The following EMID1 variants were observed in gnomAD, a reference collection of about 807,000 sequenced individuals.
The protein encoded by EMID1 is EMI domain containing 1, also known as EMI domain-containing protein 1.
EMID1 carries 40 observed loss-of-function variants against 60.6 expected under a neutral mutation model. The ratio of observed to expected loss-of-function variants is 0.66; its 90% CI spans 0.51 to 0.86. EMID1 has a LOEUF of 0.86. EMID1 is among the 40% of genes least tolerant of loss of function. EMID1 has a pLI of 0.00. For missense variants in EMID1, 585 were observed against 597.1 expected (o/e 0.98, Z 0.21); for synonymous variants, 242 against 231.0 (o/e 1.05, Z -0.43).
In EMID1 at chr22:29,231,663, G is replaced by T; in HGVS notation, c.657G>T (p.Met219Ile). 6.8e-7 allele frequency: 1 copy of T among 1,471,018 alleles called. No individual in the cohort carries two copies. Among genetic ancestry groups the T allele is most frequent in the South Asian group, 1.4e-5 (1 of 70,428 alleles). 91.1% of individuals were successfully genotyped at this position (1,471,018 alleles called of 1,614,324 possible). ...PKGDAGSRGP[M>I]GMRGPPGPQG... ...GAGATGCCGGCAGTCGGGGCCCAAT[G>T]GGGATGAGAGGCCCACCAGGTGAGT... The change falls in exon 7 of 15, where the codon ATG becomes ATT. Residue 219 changes from methionine to isoleucine, a missense_variant. By Grantham distance (10) the Met-to-Ile change is conservative (BLOSUM62 1). Transcript: ENST00000334018.
intron 13 of EMID1, among the ~76,000 whole-genome samples, chr22:29,249,304 T>C (rs1193825508): frequency 6.6e-6 from 1 of 152,198 alleles, no homozygotes; most frequent in South Asian, 2.1e-4. Flanking sequence ...GGAGTCTCTG[T>C]CACCCAGGCT....
At chr22:29,243,806 G>C (rs1245532459) in intron 13 of EMID1, among the ~76,000 whole-genome samples, 2 of 152,210 alleles carry the variant, frequency 1.3e-5, no homozygotes, top group African/African-American at 4.8e-5. Flanking sequence ...GGTTTGGGCT[G>C]ACCCAGGCCA....
chr22:29,225,203 C>T lies in EMID1; in HGVS notation c.390C>T (p.Pro130=), dbSNP rs1024842382. Reference sequence around the variant, plus strand: ...CCATGCGGCGGATGGCGCTTCGGCCCACAGCCTTCTCAGGTGGGTCCTGGG... The same window carrying T: ...CCATGCGGCGGATGGCGCTTCGGCCTACAGCCTTCTCAGGTGGGTCCTGGG... ...GSTMRRMALR[P]TAFSGCLNCS... Residue 130 remains proline (P), a synonymous_variant, in exon 4 of 15, where the codon CCC becomes CCT. Transcript: ENST00000334018. 4 of 1,613,718 alleles carry T rather than the reference C, an allele frequency of 2.5e-6. No individual in the cohort carries two copies. The highest frequency in any genetic ancestry group is 1.3e-5 in the African/African-American group (1 of 74,942).
intron 12 of EMID1, among the ~76,000 whole-genome samples, chr22:29,241,532 G>A (rs915560594): frequency 5.9e-5 from 9 of 151,978 alleles, no homozygotes; most frequent in African/African-American, 2.2e-4. Flanking sequence ...GGGATTACAG[G>A]CACCTGCCAC....
chr22:29,258,180 G>A (rs1319992083), intron 14 of EMID1, among the ~76,000 whole-genome samples: 2 of 152,190 alleles, frequency 1.3e-5, no homozygotes, highest in African/African-American at 2.4e-5. Context: ...GACCTGCCTG[G>A]CCTGCTCATT....
chr22:29,255,057 C>T (rs1047169618), intron 14 of EMID1, among the ~76,000 whole-genome samples: 14 of 152,248 alleles, frequency 9.2e-5, no homozygotes, highest in Admixed American at 3.3e-4. Flanking sequence ...CATTCATTCA[C>T]CCAGAAACTC....
intron 3 of EMID1, among the ~76,000 whole-genome samples, chr22:29,217,531 A>C (rs132383): frequency 0.99 from 150,953 of 152,354 alleles, 74,789 homozygotes; most frequent in East Asian, 1. Context: ...CATTCTTCTC[A>C]TGCCCACTCG....
chr22:29,233,666 A>T lies in EMID1; in HGVS notation c.966A>T (p.Ile322=). 6.2e-7 allele frequency: 1 copy of T among 1,613,770 alleles called. No homozygotes were observed. The highest frequency in any genetic ancestry group is 1.1e-5 in the South Asian group (1 of 91,048). ...PTGVPGSPGH[I]GPPGPTGPKG... is the part of the protein sequence containing the mutation. The stretch of plus-strand genomic sequence containing the variant: ...GTGTCCCTGGGAGTCCTGGTCACAT[A>T]GTGAGTAGTTCTCCTTGTACTCTCA... The change falls in exon 10 of 15, where the codon ATA becomes ATT. Residue 322 remains isoleucine (I), a splice_region_variant and synonymous_variant. Transcript: ENST00000334018.
chr22:29,255,230 G>C (rs920515574), intron 14 of EMID1: 1 of 1,257,098 alleles, frequency 8.0e-7, no homozygotes. Flanking sequence ...AGCCCTCGGA[G>C]GCCAGACTCG....
At chr22:29,255,308 A>C (rs778851122) in intron 14 of EMID1, 3 of 1,517,558 alleles carry the variant, frequency 2.0e-6, no homozygotes, top group African/African-American at 1.4e-5. Context: ...CAGCAGGCTC[A>C]GCTGGAGCTC....
At chr22:29,254,582 T>A (rs1271986607) in intron 14 of EMID1, 1 of 332,126 alleles carries the variant, frequency 3.0e-6, no homozygotes, top group Admixed American at 4.3e-5. Flanking sequence ...GATGAAAGAT[T>A]TTAAGTTTGG....
chr22:29,247,420 G>A (rs369645702), intron 13 of EMID1, among the ~76,000 whole-genome samples: 7 of 152,288 alleles, frequency 4.6e-5, no homozygotes, highest in East Asian at 1.9e-4. Flanking sequence ...GTTGTGGCAT[G>A]AGCATCATAC....
At chr22:29,222,676 T>A (rs1003072951) in intron 3 of EMID1, among the ~76,000 whole-genome samples, 42 of 152,088 alleles carry the variant, frequency 2.8e-4, no homozygotes, top group Admixed American at 2.6e-3. Context: ...AGTGCTGGGA[T>A]TACAGGCGTG....
chr22:29,209,016 T>A (rs547157364), intron 1 of EMID1, among the ~76,000 whole-genome samples: 1 of 152,344 alleles, frequency 6.6e-6, no homozygotes, highest in Non-Finnish European at 1.5e-5. Flanking sequence ...GGACTGGAAC[T>A]TCGCCCCTAC....
intron 13 of EMID1, among the ~76,000 whole-genome samples, chr22:29,249,710 GTTTAAGCGA>G (rs776099675): frequency 2.0e-5 from 3 of 151,940 alleles, no homozygotes; most frequent in Non-Finnish European, 4.4e-5. Context: ...TGCCTCCTGG[GTTTAAGCGA>G]TTCTTCTGTC....
chr22:29,237,961 T>C (rs1305462697), intron 12 of EMID1, among the ~76,000 whole-genome samples: 1 of 144,672 alleles, frequency 6.9e-6, no homozygotes, highest in Admixed American at 6.8e-5. Context: ...AGAACTTCTT[T>C]TAATGTTTCC....
At chr22:29,233,031 G>A (rs1225496463) in intron 8 of EMID1, 5 of 306,700 alleles carry the variant, frequency 1.6e-5, no homozygotes, top group Admixed American at 4.4e-5. Context: ...CCAGAGCTGC[G>A]TAACATCCAT....
At chr22:29,230,948 C>T (rs2040716275) in intron 5 of EMID1, 72 bp from the exon 6 acceptor site, 1 of 1,545,984 alleles carries the variant, frequency 6.5e-7, no homozygotes, top group South Asian at 1.2e-5. Flanking sequence ...GAGCAAAACT[C>T]CATCTCAAAA....
At chr22:29,214,796 T>A in intron 1 of EMID1, 130 bp from the exon 2 acceptor site, 1 of 587,250 alleles carries the variant, frequency 1.7e-6, no homozygotes, top group Admixed American at 3.1e-5. Context: ...CTTTGCAAGC[T>A]CAGGGCTTCT....
Sources: allele counts gnomAD v4.1 joint callset (sites outside exome capture counted in the v4.1 genomes callset), GRCh38; gene constraint gnomAD v4.1.1; transcripts MANE v1.5; gene names NCBI Gene and HGNC (gene_info 2026-07-23, HGNC 2026-07-21).